USH2A: variants seen among roughly 807,000 people sequenced by gnomAD.
USH2A encodes the protein usherin, also known as Usher syndrome 2A (autosomal recessive, mild).
Under a neutral mutation model 538.9 loss-of-function variants are expected in USH2A, and 443 were observed. The observed-to-expected ratio is 0.82, with a 90% confidence interval of 0.76 to 0.89. The LOEUF is 0.89. USH2A is among the 40% of genes least tolerant of loss of function. The probability of loss-of-function intolerance (pLI) is 0.00; values close to 1 mark genes in which losing one functional copy is unlikely to be tolerated. For missense variants in USH2A, 6,633 were observed against 6,324.8 expected, an observed-to-expected ratio of 1.05 and a Z score of -1.65; for synonymous variants, 2,413 against 2,273.5, an observed-to-expected ratio of 1.06 and a Z score of -1.75.
chr1:216,404,313 G>A (rs2039355561), intron 3 of USH2A, among the ~76,000 whole-genome samples: 1 of 152,028 alleles, frequency 6.6e-6, no homozygotes, highest in African/African-American at 2.4e-5. Flanking sequence ...AATTTATATG[G>A]AAAATCATAG....
At chr1:215,765,001 C>T (rs1661089169) in intron 56 of USH2A, among the ~76,000 whole-genome samples, 1 of 151,288 alleles carries the variant, frequency 6.6e-6, no homozygotes, top group African/African-American at 2.4e-5. Flanking sequence ...AAATCAAGGG[C>T]ATTTCTCATA....
At chr1:216,244,223 A>T (rs1337950304) in intron 13 of USH2A, among the ~76,000 whole-genome samples, 1 of 152,148 alleles carries the variant, frequency 6.6e-6, no homozygotes, top group Non-Finnish European at 1.5e-5. Flanking sequence ...AGGTAGATTG[A>T]AATCGGCTCT....
rs529497321 is a variant in USH2A at position 216,168,363 on chromosome 1, T to G, written c.4627+6889A>C. On this transcript the variant is annotated intron_variant, in intron 21 of 71. Transcript: ENST00000307340. ...ACACTGGACAATTTGAGCAGGTATA[T>G]TTGAGACTATATAGAAATGAAAATG... is the stretch of plus-strand genomic sequence containing the variant. Among the ~76,000 whole-genome samples, 159 of 152,206 alleles carry G rather than the reference T, an allele frequency of 1.0e-3. 1 individual carries two copies. Among genetic ancestry groups the G allele is most frequent in the Non-Finnish European group, 1.4e-3 (94 of 68,010 alleles).
At chr1:216,162,384 C>G (rs2034076704) in intron 21 of USH2A, among the ~76,000 whole-genome samples, 1 of 151,916 alleles carries the variant, frequency 6.6e-6, no homozygotes, top group Admixed American at 6.6e-5. Context: ...TATTTTTTAT[C>G]TTATCATCCT....
intron 3 of USH2A, among the ~76,000 whole-genome samples, chr1:216,368,466 A>G (rs2038641223): frequency 6.6e-6 from 1 of 152,134 alleles, no homozygotes; most frequent in Non-Finnish European, 1.5e-5. Flanking sequence ...GGAAATAGAG[A>G]GACAGAATAC....
At chr1:215,746,168 T>A (rs1056648296) in intron 58 of USH2A, among the ~76,000 whole-genome samples, 3 of 152,198 alleles carry the variant, frequency 2.0e-5, no homozygotes, top group Non-Finnish European at 4.4e-5. Flanking sequence ...CATGTCTGCG[T>A]GGTTTCTTTA....
intron 30 of USH2A, among the ~76,000 whole-genome samples, chr1:216,058,903 G>A (rs1368704015): frequency 6.6e-6 from 1 of 152,078 alleles, no homozygotes; most frequent in Non-Finnish European, 1.5e-5. Context: ...GGTAGTGAAC[G>A]AGGCTTAAAA....
intron 55 of USH2A, among the ~76,000 whole-genome samples, chr1:215,771,507 G>C (rs1037341603): frequency 1.2e-4 from 17 of 141,274 alleles, no homozygotes; most frequent in African/African-American, 4.5e-4. Context: ...GTGAACCCAG[G>C]AGGCGGAGCT....
chr1:216,321,890 C>T lies in USH2A; in HGVS notation c.1637G>A (p.Gly546Glu), dbSNP rs267598378. 1 of 1,613,646 alleles carries T rather than the reference C, an allele frequency of 6.2e-7. No individual in the cohort carries two copies. The highest frequency in any genetic ancestry group is 8.5e-7 in the Non-Finnish European group (1 of 1,179,748). Reference protein sequence around the residue: ...CLCSQESFTEGLHCDRCLPLY... With the variant: ...CLCSQESFTEELHCDRCLPLY... ...GCATAAAATAGAACTCACATGAAGT[C>T]CTTCAGTGAAGCTCTCCTGGGAGCA... is the stretch of plus-strand genomic sequence containing the variant. The change falls in exon 9 of 72, where the codon GGA (glycine) becomes GAA (glutamate). Residue 546 changes from glycine (G) to glutamate (E), a missense_variant. Coordinates refer to ENST00000307340, the MANE Select transcript of USH2A (RefSeq NM_206933.4).
chr1:215,760,899 T>C (rs911518902), intron 56 of USH2A, among the ~76,000 whole-genome samples: 3 of 152,244 alleles, frequency 2.0e-5, no homozygotes, highest in African/African-American at 4.8e-5. Context: ...TTGGAATCTT[T>C]GTAAAAGTGT....
At chr1:215,986,630 T>G (rs1185199718) in intron 35 of USH2A, among the ~76,000 whole-genome samples, 2 of 152,178 alleles carry the variant, frequency 1.3e-5, no homozygotes, top group Non-Finnish European at 2.9e-5. Context: ...GGTCTCTAAG[T>G]GTGTGCTTTA....
At chr1:215,831,727 G>C (rs966474868) in intron 47 of USH2A, among the ~76,000 whole-genome samples, 4 of 152,050 alleles carry the variant, frequency 2.6e-5, no homozygotes, top group South Asian at 4.1e-4. Context: ...AAGAAGAAAG[G>C]TCTCAAATCA....
chr1:216,342,388 G>A (rs1160164004), intron 4 of USH2A, among the ~76,000 whole-genome samples: 1 of 152,088 alleles, frequency 6.6e-6, no homozygotes, highest in Non-Finnish European at 1.5e-5. Flanking sequence ...CACTGTTGGT[G>A]GGAATGTAAA....
At chr1:215,897,282 G>A in intron 40 of USH2A, among the ~76,000 whole-genome samples, 1 of 152,150 alleles carries the variant, frequency 6.6e-6, no homozygotes, top group East Asian at 1.9e-4. Flanking sequence ...AAGCTGTGAG[G>A]CTGTGGCTGA....
Position 215,786,792 on chromosome 1 carries a change from C to T in USH2A, c.10265G>A (p.Ser3422Asn), listed in dbSNP as rs773660267. 6.2e-7 allele frequency: 1 copy of T among 1,613,748 alleles called. No individual in the cohort carries two copies. Among genetic ancestry groups the T allele is most frequent in the Admixed American group, 1.7e-5 (1 of 59,950 alleles). Residue 3422 changes from serine (S) to asparagine (N), a missense_variant, in exon 52 of 72, where the codon AGC becomes AAC. Ser to Asn is a conservative substitution (Grantham distance 46). Transcript: ENST00000307340. ...CCCTCTTATCACAGTGCAAATGTGG[C>T]TGGTAAAGTTGAAGTCACACCTGCC... is the stretch of plus-strand genomic sequence containing the variant. ...HCGRCDFNFT[S>N]HICTVIRGSH...
chr1:215,943,818 G>A, intron 37 of USH2A, among the ~76,000 whole-genome samples: 1 of 152,144 alleles, frequency 6.6e-6, no homozygotes, highest in Non-Finnish European at 1.5e-5. Context: ...CAGCTTTCCT[G>A]ACAACTTTTT....
intron 64 of USH2A, among the ~76,000 whole-genome samples, chr1:215,656,344 T>G (rs1657253209): frequency 6.6e-6 from 1 of 152,214 alleles, no homozygotes; most frequent in African/African-American, 2.4e-5. Flanking sequence ...TGTGAAAATA[T>G]TTTATGATTC....
At chr1:216,080,650 T>C (rs1344894584) in intron 26 of USH2A, among the ~76,000 whole-genome samples, 2 of 151,238 alleles carry the variant, frequency 1.3e-5, no homozygotes, top group African/African-American at 4.9e-5. Flanking sequence ...GAAAATAAAT[T>C]TCAATCATTC....
chr1:216,192,888 T>C (rs1558308169), intron 19 of USH2A, among the ~76,000 whole-genome samples: 1 of 152,104 alleles, frequency 6.6e-6, no homozygotes, highest in Non-Finnish European at 1.5e-5. Context: ...TCACTAATAA[T>C]AATGTGTCAA....
Sources: allele counts gnomAD v4.1 joint callset (sites outside exome capture counted in the v4.1 genomes callset), GRCh38; gene constraint gnomAD v4.1.1; transcripts MANE v1.5; gene names NCBI Gene and HGNC (gene_info 2026-07-23, HGNC 2026-07-21).